DRGX: variants seen among roughly 807,000 people sequenced by gnomAD.
DRGX encodes dorsal root ganglia homeobox protein.
In DRGX, 21 loss-of-function variants were observed where a neutral mutation model predicts 28.6. The ratio of observed to expected loss-of-function variants is 0.73; its 90% confidence interval spans 0.52 to 1.06. DRGX has a LOEUF of 1.06. Ranked by LOEUF, DRGX falls within the 50% of genes least tolerant of loss-of-function variation. The probability of loss-of-function intolerance (pLI) is 0.00; values close to 1 mark genes in which losing one functional copy is unlikely to be tolerated. For missense variants in DRGX, 354 were observed against 343.9 expected (o/e 1.03, Z -0.23); for synonymous variants, 136 against 139.1 (o/e 0.98, Z 0.16).
chr10:49,382,442 A>G (rs1467203192), intron 6 of DRGX, among the ~76,000 whole-genome samples: 1 of 152,240 alleles, frequency 6.6e-6, no homozygotes, highest in African/African-American at 2.4e-5. Flanking sequence ...GAACTAGTTC[A>G]GCCAACAGCT....
intron 3 of DRGX, 66 bp downstream of exon 3, chr10:49,391,098 T>C: frequency 1.3e-6 from 2 of 1,504,800 alleles, no homozygotes; most frequent in Non-Finnish European, 1.8e-6. Flanking sequence ...AAAGAAGAGT[T>C]GCTCAACTTT....
intron 4 of DRGX, among the ~76,000 whole-genome samples, chr10:49,388,589 G>A (rs115345984): frequency 5.4e-4 from 82 of 152,290 alleles, no homozygotes; most frequent in Middle Eastern, 3.4e-3. Context: ...ACTTTCTTGC[G>A]TCTTAATTGA....
chr10:49,370,716 G>A (rs1028606421), intron 6 of DRGX, among the ~76,000 whole-genome samples: 1 of 152,224 alleles, frequency 6.6e-6, no homozygotes, highest in African/African-American at 2.4e-5. Flanking sequence ...CTGTGTAAGA[G>A]ACAAGATTAA....
chr10:49,367,416 T>C (rs1336677730), intron 6 of DRGX, among the ~76,000 whole-genome samples: 1 of 151,972 alleles, frequency 6.6e-6, no homozygotes, highest in Non-Finnish European at 1.5e-5. Flanking sequence ...AGAAAAACAT[T>C]ATTTTTCTTT....
intron 1 of DRGX, 56 bp from the exon 2 acceptor site, chr10:49,395,577 A>C: frequency 9.3e-7 from 1 of 1,070,408 alleles, no homozygotes; most frequent in Non-Finnish European, 1.4e-6. Flanking sequence ...GCTCCCGCCC[A>C]GCCCTAGGGC....
At chr10:49,370,360 G>T (rs893103008) in intron 6 of DRGX, among the ~76,000 whole-genome samples, 1 of 152,138 alleles carries the variant, frequency 6.6e-6, no homozygotes, top group Non-Finnish European at 1.5e-5. Context: ...AGCCAAGATC[G>T]TGCCACTGCA....
At chr10:49,387,461 C>A (rs1849852361) in intron 4 of DRGX, among the ~76,000 whole-genome samples, 2 of 152,182 alleles carry the variant, frequency 1.3e-5, no homozygotes, top group Non-Finnish European at 2.9e-5. Flanking sequence ...GAGTTTGAGA[C>A]CAGCCTGGCC....
At chr10:49,372,753 G>T (rs1025059245) in intron 6 of DRGX, among the ~76,000 whole-genome samples, 4 of 152,190 alleles carry the variant, frequency 2.6e-5, no homozygotes, top group Non-Finnish European at 4.4e-5. Context: ...TGCAGTGACT[G>T]CTCTCACCAG....
Position 49,364,284 on chromosome 10 carries a change from G to A in DRGX, c.*1832C>T, listed in dbSNP as rs529444828. 6.6e-6 allele frequency: 1 copy of A among 152,318 alleles called. No homozygotes were observed. Among genetic ancestry groups the A allele is most frequent in the South Asian group, 2.1e-4 (1 of 4,824 alleles). The allele number at this position is 152,318 out of a possible 1,614,324, so 9.4% of individuals were successfully genotyped here. On this transcript the variant is annotated 3_prime_UTR_variant, in exon 7 of 7. Coordinates refer to ENST00000374139, the MANE Select transcript of DRGX (RefSeq NM_001276451.2). ...TGTCGCATCATGAATTATTAAATCA[G>A]TGCTTCGTGGTAATACATAATTTCT...
In DRGX at chr10:49,395,405, A is replaced by AC. The variant is rs1238311421; in HGVS notation, c.34+1dup. ...AGACCCTGGGGCGCAGCGCTTACTT[A>AC]CCCTCTAGCTGTGGCGGGCAGTGGA... On this transcript the variant is annotated splice_donor_variant, in intron 2 of 6. Coordinates refer to ENST00000374139, the MANE Select transcript of DRGX (RefSeq NM_001276451.2). LOFTEE classifies it high-confidence loss of function. The AC allele has an allele frequency of 1.3e-6, 2 of 1,549,910 alleles. No individual in the cohort carries two copies.
In DRGX at chr10:49,395,491, G is replaced by A; in HGVS notation, c.-51C>T. 1 of 1,544,850 alleles carries A rather than the reference G, an allele frequency of 6.5e-7. No individual in the cohort carries two copies. Among genetic ancestry groups the A allele is most frequent in the African/African-American group, 1.4e-5 (1 of 73,098 alleles). On this transcript the variant is annotated 5_prime_UTR_variant, in exon 2 of 7. Coordinates refer to ENST00000374139, the MANE Select transcript of DRGX (RefSeq NM_001276451.2). ...GCCGAGACCTGGGAGGGTGGCAGCA[G>A]AACGGACCCGCGCGCGTTGCTCCTG...
intron 2 of DRGX, among the ~76,000 whole-genome samples, chr10:49,394,975 A>G (rs766701281): frequency 6.6e-5 from 10 of 152,224 alleles, no homozygotes; most frequent in Non-Finnish European, 1.3e-4. Context: ...CAGCCCAGCG[A>G]CGGGCCCTTG....
In DRGX at chr10:49,391,229, C is replaced by T. The variant is rs772441202; in HGVS notation, c.67G>A (p.Asp23Asn). 1 of 1,611,936 alleles carries T rather than the reference C, an allele frequency of 6.2e-7. No individual in the cohort carries two copies. The highest frequency in any genetic ancestry group is 2.2e-5 in the East Asian group (1 of 44,856). ...CTACGCAGAAACCCGTCATCAAAAT[C>T]CCCCGAAGAGTGATTGCCAAAGGTT... ...TATFGNHSSG[D>N]FDDGFLRRKQ... is the part of the protein sequence containing the mutation. The change falls in exon 3 of 7, where the codon GAT becomes AAT. Residue 23 changes from aspartate (D) to asparagine (N), a missense_variant. Transcript: ENST00000374139.
At chr10:49,375,718 T>C (rs749879854) in intron 6 of DRGX, among the ~76,000 whole-genome samples, 1 of 152,134 alleles carries the variant, frequency 6.6e-6, no homozygotes, top group Non-Finnish European at 1.5e-5. Flanking sequence ...ACATGTTCTT[T>C]TTCTGCTTGG....
At chr10:49,386,105 A>G (rs1380752985) in intron 6 of DRGX, among the ~76,000 whole-genome samples, 3 of 151,880 alleles carry the variant, frequency 2.0e-5, no homozygotes, top group Non-Finnish European at 4.4e-5. Flanking sequence ...GCATGCATGG[A>G]GAGGGAGCTG....
At chr10:49,376,067 T>C (rs1280421423) in intron 6 of DRGX, among the ~76,000 whole-genome samples, 1 of 152,142 alleles carries the variant, frequency 6.6e-6, no homozygotes, top group Non-Finnish European at 1.5e-5. Flanking sequence ...GCAGAATCAA[T>C]ACAGGGTGTA....
rs562976337 is a variant in DRGX at position 49,364,145 on chromosome 10, T to C, written c.*1971A>G. 6.6e-6 allele frequency: 1 copy of C among 152,234 alleles called. No homozygotes were observed. The highest frequency in any genetic ancestry group is 2.4e-5 in the African/African-American group (1 of 41,460). The allele number at this position is 152,234 out of a possible 1,614,324, so 9.4% of individuals were successfully genotyped here. On this transcript the variant is annotated 3_prime_UTR_variant, in exon 7 of 7. Coordinates refer to ENST00000374139, the MANE Select transcript of DRGX (RefSeq NM_001276451.2). ...CATGCATCATTACTTTTTGCCTTTG[T>C]ACAACAAAACAAAGTACTCAATATC...
rs558355906 is a variant in DRGX at position 49,387,957 on chromosome 10, C to T, written c.235-1099G>A. ...TTTGGGGGTAATAACTGTGGCCACC[C>T]CATAAGCCTTGTTAGGAAGATTGGC... On this transcript the variant is annotated intron_variant, in intron 4 of 6. Transcript: ENST00000374139. Among the ~76,000 whole-genome samples the T allele has an allele frequency of 1.5e-4, 23 of 152,260 alleles. No individual in the cohort carries two copies. The East Asian group carries it at 4.3e-3, about 28-fold the overall frequency.
At chr10:49,376,984 G>T (rs968727360) in intron 6 of DRGX, among the ~76,000 whole-genome samples, 2 of 152,132 alleles carry the variant, frequency 1.3e-5, no homozygotes, top group African/African-American at 4.8e-5. Flanking sequence ...GATCCTTCAC[G>T]TAGGGATGAG....
Sources: gnomAD v4.1 joint callset for allele counts (sites outside exome capture counted in the v4.1 genomes callset) on GRCh38, gnomAD v4.1.1 for gene constraint, MANE v1.5 for transcripts, NCBI Gene and HGNC (gene_info 2026-07-23, HGNC 2026-07-21) for gene names.